P3H2: variants seen among roughly 807,000 people sequenced by gnomAD.
The protein encoded by P3H2 is leprecan-like 1.
In P3H2, 80 loss-of-function variants were observed where a neutral mutation model predicts 87.0. The observed-to-expected ratio is 0.92, with a 90% CI of 0.77 to 1.11. The LOEUF (loss-of-function observed/expected upper bound fraction) is 1.11, where lower values mean the gene tolerates loss of function less well. Among genes scored for constraint, P3H2 ranks in the 50% least tolerant of loss-of-function variants. The probability of loss-of-function intolerance (pLI) is 0.00; values close to 1 mark genes in which losing one functional copy is unlikely to be tolerated. For missense variants in P3H2, 1,001 were observed against 923.9 expected (o/e 1.08, Z -1.08); for synonymous variants, 367 against 359.3 (o/e 1.02, Z -0.24).
At chr3:189,980,531 C>T (rs990559596) in intron 8 of P3H2, among the ~76,000 whole-genome samples, 3 of 151,818 alleles carry the variant, frequency 2.0e-5, no homozygotes, top group African/African-American at 7.3e-5. Context: ...CCACTGCACT[C>T]CAGCCTGGGG....
At chr3:190,084,483 C>T (rs1727147216) in intron 1 of P3H2, among the ~76,000 whole-genome samples, 1 of 152,168 alleles carries the variant, frequency 6.6e-6, no homozygotes, top group East Asian at 1.9e-4. Context: ...CACGTTACTT[C>T]CAAGACCTAA....
intron 8 of P3H2, among the ~76,000 whole-genome samples, chr3:189,982,082 G>A (rs939236601): frequency 6.6e-6 from 1 of 152,176 alleles, no homozygotes; most frequent in Non-Finnish European, 1.5e-5. Context: ...AAAGCCTCTT[G>A]TCTTGCAATT....
intron 13 of P3H2, among the ~76,000 whole-genome samples, chr3:189,968,472 AT>A (rs1251521203): frequency 6.6e-6 from 1 of 152,024 alleles, no homozygotes; most frequent in Non-Finnish European, 1.5e-5. Flanking sequence ...TATCTGCTAC[AT>A]TTTCTTTATC....
chr3:190,114,863 T>C, intron 1 of P3H2, among the ~76,000 whole-genome samples: 2 of 152,346 alleles, frequency 1.3e-5, no homozygotes, highest in South Asian at 4.1e-4. Context: ...AAAATATACA[T>C]ATTCTACAAA....
At chr3:190,022,874 C>T (rs575143672) in intron 1 of P3H2, among the ~76,000 whole-genome samples, 12 of 151,982 alleles carry the variant, frequency 7.9e-5, no homozygotes, top group South Asian at 2.1e-4. Flanking sequence ...TTGCCCAGGC[C>T]CGAGTGCAGT....
chr3:190,055,351 C>T (rs115922356), intron 1 of P3H2, among the ~76,000 whole-genome samples: 2 of 152,106 alleles, frequency 1.3e-5, no homozygotes, highest in African/African-American at 2.4e-5. Context: ...TATTTAATTT[C>T]TAAAACTTCA....
At chr3:190,077,955 C>T (rs1235890129) in intron 1 of P3H2, among the ~76,000 whole-genome samples, 5 of 152,160 alleles carry the variant, frequency 3.3e-5, no homozygotes, top group Admixed American at 2.0e-4. Context: ...GGGATAGCAA[C>T]ATATCATTAA....
intron 8 of P3H2, among the ~76,000 whole-genome samples, chr3:189,981,272 C>A (rs1472483358): frequency 6.6e-6 from 1 of 152,196 alleles, no homozygotes; most frequent in East Asian, 1.9e-4. Context: ...ACAACTTATA[C>A]TTGCAATTGG....
intron 1 of P3H2, among the ~76,000 whole-genome samples, chr3:190,009,656 T>A (rs1350174018): frequency 6.6e-6 from 1 of 152,196 alleles, no homozygotes; most frequent in Non-Finnish European, 1.5e-5. Context: ...CAGAGAGAAA[T>A]TTTAGCCAAG....
chr3:190,073,092 C>T (rs1726759202), intron 1 of P3H2, among the ~76,000 whole-genome samples: 1 of 152,130 alleles, frequency 6.6e-6, no homozygotes, highest in Non-Finnish European at 1.5e-5. Flanking sequence ...AGTTTGTGAT[C>T]AATGTGGTGA....
chr3:190,117,106 A>G (rs1712317773), intron 1 of P3H2, among the ~76,000 whole-genome samples: 1 of 152,250 alleles, frequency 6.6e-6, no homozygotes, highest in Non-Finnish European at 1.5e-5. Context: ...GGAAGAATCC[A>G]GACTCCTGAC....
rs1577272503 is a variant in P3H2, at chr3:190,012,740, C to T, written c.481-17298G>A. Among the ~76,000 whole-genome samples, 6 of 152,304 alleles carry T rather than the reference C, an allele frequency of 3.9e-5. No individual in the cohort carries two copies. The South Asian group carries it at 1.2e-3, about 32-fold the overall frequency. On this transcript the variant is annotated intron_variant, in intron 1 of 14. Transcript: ENST00000319332. ...ACTTCTGGACTTCCCCTCGTGGTGC[C>T]TCTCTGGTAGTATTATAATCATCCA...
intron 1 of P3H2, among the ~76,000 whole-genome samples, chr3:190,078,451 C>A (rs1210625240): frequency 2.0e-5 from 3 of 152,126 alleles, no homozygotes; most frequent in African/African-American, 4.8e-5. Flanking sequence ...AATAGGATTT[C>A]AATAAATGAA....
At chr3:190,005,280 A>G (rs1004798138) in intron 1 of P3H2, among the ~76,000 whole-genome samples, 1 of 152,208 alleles carries the variant, frequency 6.6e-6, no homozygotes, top group Non-Finnish European at 1.5e-5. Flanking sequence ...ACTGGGAATC[A>G]AAGTATGGGT....
intron 1 of P3H2, among the ~76,000 whole-genome samples, chr3:190,048,093 A>G (rs180889465): frequency 1.3e-5 from 2 of 152,286 alleles, no homozygotes; most frequent in East Asian, 3.9e-4. Context: ...ACAGAAGAGG[A>G]GCAGTTTCAC....
At chr3:190,085,944 G>A (rs892904609) in intron 1 of P3H2, among the ~76,000 whole-genome samples, 1 of 152,068 alleles carries the variant, frequency 6.6e-6, no homozygotes, top group Non-Finnish European at 1.5e-5. Flanking sequence ...CACTGGACAG[G>A]TAAAGAGAGA....
chr3:190,099,421 AG>A (rs1293167790), intron 1 of P3H2, among the ~76,000 whole-genome samples: 1 of 152,242 alleles, frequency 6.6e-6, no homozygotes, highest in Non-Finnish European at 1.5e-5. Context: ...GTATATATGC[AG>A]GGGGAAAGTG....
At chr3:189,998,586 T>C (rs1269649003) in intron 1 of P3H2, among the ~76,000 whole-genome samples, 1 of 152,200 alleles carries the variant, frequency 6.6e-6, no homozygotes, top group Non-Finnish European at 1.5e-5. Context: ...CTTCTCCCAT[T>C]AGAGCTTTCT....
chr3:190,082,349 G>A (rs1035396210), intron 1 of P3H2, among the ~76,000 whole-genome samples: 3 of 152,132 alleles, frequency 2.0e-5, no homozygotes, highest in African/African-American at 7.2e-5. Context: ...CCTTCTACTT[G>A]TGTGAAAACA....
Sources: gnomAD v4.1 joint callset for allele counts (sites outside exome capture counted in the v4.1 genomes callset) on GRCh38, gnomAD v4.1.1 for gene constraint, MANE v1.5 for transcripts, NCBI Gene and HGNC (gene_info 2026-07-23, HGNC 2026-07-21) for gene names.